The following DIP2C variants were observed in gnomAD, a reference collection of about 807,000 sequenced individuals.
The protein encoded by DIP2C is DIP2 acetate--CoA ligase C (putative), also known as disco-interacting protein 2 homolog C.
DIP2C carries 33 observed loss-of-function variants against 192.4 expected under a neutral mutation model. The ratio of observed to expected loss-of-function variants is 0.17; its 90% CI spans 0.13 to 0.23. DIP2C has a LOEUF of 0.23. DIP2C is among the 10% of genes least tolerant of loss of function. The probability of loss-of-function intolerance (pLI) is 1.00; values close to 1 mark genes in which losing one functional copy is unlikely to be tolerated. For missense variants in DIP2C, 1,537 were observed against 2,110.1 expected, an observed-to-expected ratio of 0.73 and a Z score of 5.32; for synonymous variants, 979 against 864.1, an observed-to-expected ratio of 1.13 and a Z score of -2.33.
intron 1 of DIP2C, among the ~76,000 whole-genome samples, chr10:583,810 C>T (rs1435121773): frequency 6.6e-6 from 1 of 152,230 alleles, no homozygotes; most frequent in Non-Finnish European, 1.5e-5. Flanking sequence ...AAACACACCA[C>T]TGCCCAATAC....
intron 1 of DIP2C, among the ~76,000 whole-genome samples, chr10:597,078 G>A (rs141737791): frequency 9.1e-4 from 138 of 152,312 alleles, no homozygotes; most frequent in African/African-American, 3.0e-3. Flanking sequence ...GCCAGTGTAG[G>A]GGGCACCACC....
intron 10 of DIP2C, among the ~76,000 whole-genome samples, chr10:392,820 ACACACACACACGCCCACG>A (rs1474607140): frequency 6.6e-6 from 1 of 150,462 alleles, no homozygotes; most frequent in East Asian, 1.9e-4. Flanking sequence ...CTCAGCGCAC[ACACACACACACGCCCACG>A]CACACACACG....
chr10:285,628 G>A (rs527649429), intron 34 of DIP2C, among the ~76,000 whole-genome samples: 29 of 152,360 alleles, frequency 1.9e-4, no homozygotes, highest in South Asian at 6.2e-4. Context: ...GTGGCCTCTC[G>A]GACTGGGGAC....
chr10:597,787 T>TGGCCACAGCTGG (rs1219562912), intron 1 of DIP2C, among the ~76,000 whole-genome samples: 1 of 152,178 alleles, frequency 6.6e-6, no homozygotes, highest in African/African-American at 2.4e-5. Flanking sequence ...ATAACGTCAC[T>TGGCCACAGCTGG]GGCCACAGCT....
chr10:599,427 A>G (rs1250137437), intron 1 of DIP2C, among the ~76,000 whole-genome samples: 1 of 152,248 alleles, frequency 6.6e-6, no homozygotes. Context: ...TTAAACATCA[A>G]GATACAACTG....
intron 1 of DIP2C, among the ~76,000 whole-genome samples, chr10:505,721 C>T (rs1415195021): frequency 6.6e-6 from 1 of 151,560 alleles, no homozygotes; most frequent in Non-Finnish European, 1.5e-5. Flanking sequence ...ACCACCTGCC[C>T]AGCTATATTT....
At chr10:480,569 T>G (rs1474628254) in intron 2 of DIP2C, among the ~76,000 whole-genome samples, 1 of 152,234 alleles carries the variant, frequency 6.6e-6, no homozygotes, top group Non-Finnish European at 1.5e-5. Flanking sequence ...TGCACTTTGC[T>G]TACACCTCGG....
intron 7 of DIP2C, 86 bp downstream of exon 7, chr10:415,683 G>C: frequency 6.4e-7 from 1 of 1,553,810 alleles, no homozygotes; most frequent in Non-Finnish European, 8.7e-7. Context: ...CTCTTAAAAA[G>C]TAAAATAGCC....
At chr10:563,201 C>A (rs1468516401) in intron 1 of DIP2C, among the ~76,000 whole-genome samples, 2 of 152,224 alleles carry the variant, frequency 1.3e-5, no homozygotes, top group African/African-American at 4.8e-5. Flanking sequence ...TCCACAGTGC[C>A]CTGCAGGCGG....
intron 1 of DIP2C, among the ~76,000 whole-genome samples, chr10:520,236 G>A (rs1221410646): frequency 2.0e-5 from 3 of 152,102 alleles, no homozygotes; most frequent in African/African-American, 7.2e-5. Flanking sequence ...AACAAGCAGC[G>A]CTCAGCAGGG....
chr10:574,784 T>C (rs1003152419), intron 1 of DIP2C, among the ~76,000 whole-genome samples: 2 of 152,262 alleles, frequency 1.3e-5, no homozygotes, highest in Non-Finnish European at 2.9e-5. Context: ...CAATGTGCTA[T>C]GATACTAGAG....
intron 31 of DIP2C, among the ~76,000 whole-genome samples, chr10:325,832 T>C (rs1957246489): frequency 1.3e-5 from 2 of 152,102 alleles, no homozygotes; most frequent in African/African-American, 4.8e-5. Flanking sequence ...AAGATGGAGC[T>C]ATTATAATAA....
chr10:624,785 C>T (rs1324800361), intron 1 of DIP2C, among the ~76,000 whole-genome samples: 1 of 152,216 alleles, frequency 6.6e-6, no homozygotes, highest in Non-Finnish European at 1.5e-5. Context: ...CTGACTGACA[C>T]ATGAACCCTC....
At chr10:378,397 G>T (rs927026852) in intron 17 of DIP2C, among the ~76,000 whole-genome samples, 5 of 152,082 alleles carry the variant, frequency 3.3e-5, no homozygotes, top group Non-Finnish European at 7.4e-5. Flanking sequence ...GCATACACAG[G>T]TGAAGACAGA....
chr10:621,675 C>G (rs894867776), intron 1 of DIP2C, among the ~76,000 whole-genome samples: 1 of 152,196 alleles, frequency 6.6e-6, no homozygotes, highest in African/African-American at 2.4e-5. Context: ...CTCACCCTTC[C>G]GCCTCCATCC....
intron 2 of DIP2C, among the ~76,000 whole-genome samples, chr10:479,328 C>CTTTT (rs766379689): frequency 3.2e-4 from 28 of 88,398 alleles, no homozygotes; most frequent in Middle Eastern, 9.3e-3. Flanking sequence ...TCTCACACTG[C>CTTTT]TTTTTTTTTT....
chr10:489,916 G>A (rs1229898885), intron 1 of DIP2C, among the ~76,000 whole-genome samples: 1 of 30,858 alleles, frequency 3.2e-5, no homozygotes. Context: ...ACGGTGCCTG[G>A]TCCTTCCTCC....
intron 10 of DIP2C, among the ~76,000 whole-genome samples, chr10:394,981 A>T (rs1483000992): frequency 2.0e-5 from 3 of 151,664 alleles, no homozygotes; most frequent in African/African-American, 4.8e-5. Flanking sequence ...AGCCTGCCGT[A>T]TGCTGAACCA....
In DIP2C at chr10:557,749, G is replaced by GCGGGAAGGGGGAGGGGGAGGA. The variant is rs1232077409; in HGVS notation, c.86-71220_86-71219insTCCTCCCCCTCCCCCTTCCCG. Among the ~76,000 whole-genome samples the GCGGGAAGGGGGAGGGGGAGGA allele has an allele frequency of 4.8e-4, 23 of 48,404 alleles. 1 individual carries two copies. Among genetic ancestry groups the GCGGGAAGGGGGAGGGGGAGGA allele is most frequent in the African/African-American group, 3.0e-3 (21 of 6,996 alleles). 31.8% of individuals were successfully genotyped at this position (48,404 alleles called of 152,430 possible). ...GGGGAGGGGAAGGGGGAGAGGATGG[G>GCGGGAAGGGGGAGGGGGAGGA]TGGGAAGGGGGAGGGGGAGGATGGG... On this transcript the variant is annotated intron_variant, in intron 1 of 36. Transcript: ENST00000280886.
Sources: allele counts gnomAD v4.1 joint callset (sites outside exome capture counted in the v4.1 genomes callset), GRCh38; gene constraint gnomAD v4.1.1; transcripts MANE v1.5; gene names NCBI Gene and HGNC (gene_info 2026-07-23, HGNC 2026-07-21).